Variants in PPP1R1C observed in about 807,000 individuals in gnomAD.
PPP1R1C encodes the protein protein phosphatase 1 regulatory subunit 1C.
PPP1R1C carries 15 observed loss-of-function variants against 17.4 expected under a neutral mutation model. The observed-to-expected ratio is 0.86, with a 90% CI of 0.58 to 1.33. The LOEUF (loss-of-function observed/expected upper bound fraction) is 1.33. PPP1R1C is among the 40% of genes most tolerant of loss of function. The pLI is 0.00. For synonymous variants in PPP1R1C, 35 were observed against 43.1 expected (o/e 0.81, Z 0.73); for missense variants, 143 against 130.0 (o/e 1.10, Z -0.48).
At chr2:182,130,667 C>T (rs1313558945), downstream of PPP1R1C, 6 of 152,150 alleles carry the variant, frequency 3.9e-5, no homozygotes, top group East Asian at 9.6e-4. Flanking sequence ...TACATTTCTC[C>T]TGCAGCATAT....
intron 5 of PPP1R1C, among the ~76,000 whole-genome samples, chr2:182,124,733 G>A (rs1236895435): frequency 1.3e-5 from 2 of 152,052 alleles, no homozygotes; most frequent in Admixed American, 6.5e-5. Flanking sequence ...TGTGATTTTT[G>A]CAAATTGATT....
At chr2:181,980,085 C>T (rs1685166409) in intron 2 of PPP1R1C, among the ~76,000 whole-genome samples, 1 of 152,086 alleles carries the variant, frequency 6.6e-6, no homozygotes, top group South Asian at 2.1e-4. Flanking sequence ...ACTGTATGTT[C>T]TTTAGAGGTT....
At chr2:182,061,322 T>G (rs191102225) in intron 2 of PPP1R1C, 120 bp from the exon 3 acceptor site, 1 of 691,496 alleles carries the variant, frequency 1.4e-6, no homozygotes, top group Non-Finnish European at 2.3e-6. Context: ...AGCTGTAAGT[T>G]GTAGTTTTTG....
intron 1 of PPP1R1C, among the ~76,000 whole-genome samples, chr2:181,959,112 C>A (rs530484598): frequency 6.6e-6 from 1 of 152,200 alleles, no homozygotes; most frequent in South Asian, 2.1e-4. Context: ...ATGTGAATTT[C>A]AGTTACTCTA....
At chr2:182,000,047 A>T (rs997772481) in intron 2 of PPP1R1C, among the ~76,000 whole-genome samples, 7 of 152,302 alleles carry the variant, frequency 4.6e-5, no homozygotes, top group Non-Finnish European at 1.0e-4. Context: ...TGAGACTCAG[A>T]TCAAACCTCC....
intron 2 of PPP1R1C, among the ~76,000 whole-genome samples, chr2:182,007,018 G>A (rs370523268): frequency 1.7e-4 from 26 of 152,054 alleles, no homozygotes; most frequent in East Asian, 7.7e-4. Context: ...TTATTTATGC[G>A]GAGGACATAA....
chr2:182,129,180 T>C (rs1689946316), exon 6 of PPP1R1C: 1 of 152,164 alleles, frequency 6.6e-6, no homozygotes. Context: ...CTTCACTTAT[T>C]GCTTTTTTCT....
chr2:182,048,237 C>A (rs1471179954), intron 2 of PPP1R1C, among the ~76,000 whole-genome samples: 1 of 152,084 alleles, frequency 6.6e-6, no homozygotes, highest in African/African-American at 2.4e-5. Flanking sequence ...AGTTTGGGCC[C>A]CAGTTTTGAC....
chr2:182,081,859 A>G (rs1004043234), intron 4 of PPP1R1C, among the ~76,000 whole-genome samples: 24 of 152,190 alleles, frequency 1.6e-4, no homozygotes, highest in Admixed American at 9.8e-4. Flanking sequence ...TTTATCCTGC[A>G]TATTACCAAT....
chr2:182,111,936 C>A (rs1366105901), intron 4 of PPP1R1C, among the ~76,000 whole-genome samples: 1 of 152,016 alleles, frequency 6.6e-6, no homozygotes, highest in Non-Finnish European at 1.5e-5. Context: ...GCGATAGGCA[C>A]CAGGTTTGCT....
At chr2:181,998,392 G>A (rs1363787451) in intron 2 of PPP1R1C, among the ~76,000 whole-genome samples, 1 of 152,160 alleles carries the variant, frequency 6.6e-6, no homozygotes, top group Admixed American at 6.5e-5. Flanking sequence ...GCTCTAATTT[G>A]TATCCTGTGA....
chr2:181,973,067 CAG>C (rs1043076165), intron 1 of PPP1R1C, among the ~76,000 whole-genome samples: 20 of 152,072 alleles, frequency 1.3e-4, no homozygotes, highest in African/African-American at 4.8e-4. Context: ...TCTCAAGAAG[CAG>C]AGACTATGGG....
chr2:182,102,098 A>C (rs1689113036), intron 4 of PPP1R1C, among the ~76,000 whole-genome samples: 1 of 152,230 alleles, frequency 6.6e-6, no homozygotes, highest in South Asian at 2.1e-4. Flanking sequence ...TAATTGAGCT[A>C]CTAAGAATTA....
intron 2 of PPP1R1C, among the ~76,000 whole-genome samples, chr2:182,036,448 A>G (rs990260436): frequency 7.9e-5 from 12 of 152,366 alleles, no homozygotes; most frequent in Admixed American, 4.6e-4. Flanking sequence ...TTTCATGTAT[A>G]TAACTAAAAT....
chr2:181,956,585 A>G (rs1453342274), intron 1 of PPP1R1C, among the ~76,000 whole-genome samples: 1 of 152,224 alleles, frequency 6.6e-6, no homozygotes, highest in Non-Finnish European at 1.5e-5. Flanking sequence ...AATGATCGCC[A>G]TTCTAACTGG....
intron 4 of PPP1R1C, among the ~76,000 whole-genome samples, chr2:182,105,292 G>T (rs1689210703): frequency 6.6e-6 from 1 of 152,166 alleles, no homozygotes; most frequent in Non-Finnish European, 1.5e-5. Flanking sequence ...TTTAAAGAGG[G>T]AAATAGAGTA....
intron 4 of PPP1R1C, among the ~76,000 whole-genome samples, chr2:182,092,117 C>T (rs1454312937): frequency 6.6e-6 from 1 of 152,160 alleles, no homozygotes; most frequent in African/African-American, 2.4e-5. Flanking sequence ...CGTTTTCATG[C>T]TGCTGATAAA....
chr2:182,000,454 G>C (rs768235801), intron 2 of PPP1R1C, among the ~76,000 whole-genome samples: 1 of 152,068 alleles, frequency 6.6e-6, no homozygotes, highest in Admixed American at 6.6e-5. Context: ...GAGATTTTGG[G>C]CCTCCTGACA....
At chr2:182,088,427 A>G (rs1381531249) in intron 4 of PPP1R1C, among the ~76,000 whole-genome samples, 1 of 152,210 alleles carries the variant, frequency 6.6e-6, no homozygotes, top group Non-Finnish European at 1.5e-5. Flanking sequence ...CTGAACCATC[A>G]CTAAACTAGT....
Sources: gnomAD v4.1 joint callset for allele counts (sites outside exome capture counted in the v4.1 genomes callset) on GRCh38, gnomAD v4.1.1 for gene constraint, MANE v1.5 for transcripts, NCBI Gene and HGNC (gene_info 2026-07-23, HGNC 2026-07-21) for gene names.